The following LPCAT4 variants were observed in gnomAD, a reference collection of about 807,000 sequenced individuals.
LPCAT4 encodes lysophosphatidylcholine acyltransferase 4, also known as lysophospholipid acyltransferase LPCAT4.
In LPCAT4, 30 loss-of-function variants were observed where a neutral mutation model predicts 66.5. That is an observed-to-expected ratio of 0.45 (90% confidence interval 0.34 to 0.61). The LOEUF (loss-of-function observed/expected upper bound fraction) is 0.61. Ranked by LOEUF, LPCAT4 falls within the 20% of genes least tolerant of loss-of-function variation. The pLI is 0.01. For missense variants in LPCAT4, 557 were observed against 656.7 expected (o/e 0.85, Z 1.66); for synonymous variants, 253 against 262.1 (o/e 0.97, Z 0.34).
Position 34,362,631 on chromosome 15 carries a change from G to A in LPCAT4, c.826C>T (p.Pro276Ser). Residue 276 changes from proline (P) to serine (S), a missense_variant, in exon 9 of 14, where the codon CCT (proline) becomes TCT (serine). By Grantham distance (74) the Pro-to-Ser change is moderately conservative. Around this residue, in one of 4 missense-constraint regions of LPCAT4, gnomAD observed 392 missense variants for 473.9 expected, o/e 0.83. Transcript: ENST00000314891. Reference sequence around the variant, plus strand: ...AGGGTGGGGTCCCTGCTCTCCTCAGGGCTGGGGTGATACACAGGAAGGAAC... The same window carrying A: ...AGGGTGGGGTCCCTGCTCTCCTCAGAGCTGGGGTGATACACAGGAAGGAAC... ...VEFLPVYHPS[P>S]EESRDPTLYA... 1 of 1,591,114 alleles carries A rather than the reference G, an allele frequency of 6.3e-7. No individual in the cohort carries two copies.
chr15:34,364,637 A>G, intron 3 of LPCAT4: 1 of 209,224 alleles, frequency 4.8e-6, no homozygotes, highest in Non-Finnish European at 8.8e-6. Context: ...TATTTTTAGT[A>G]GAGACAGGGT....
chr15:34,359,544 T>C, intron 13 of LPCAT4, 45 bp downstream of exon 13: 2 of 1,593,188 alleles, frequency 1.3e-6, no homozygotes, highest in Non-Finnish European at 1.7e-6. Flanking sequence ...TGGATGCTGA[T>C]GGTGCCCCAA....
chr15:34,361,092 C>T (rs1269881298), intron 11 of LPCAT4: 3 of 793,686 alleles, frequency 3.8e-6, no homozygotes, highest in Middle Eastern at 5.1e-4. Flanking sequence ...AAGACCCTCA[C>T]CCAGCACCCC....
At chr15:34,361,662 GA>G in intron 10 of LPCAT4, 130 bp from the exon 11 acceptor site, 1 of 1,059,688 alleles carries the variant, frequency 9.4e-7, no homozygotes, top group Non-Finnish European at 1.4e-6. Context: ...AAGATGTACT[GA>G]CTCACAGTCC....
Position 34,365,599 on chromosome 15 carries a change from T to C in LPCAT4, c.217A>G (p.Ser73Gly). 1.9e-6 allele frequency: 3 copies of C among 1,614,136 alleles called. No homozygotes were observed. The highest frequency in any genetic ancestry group is 1.7e-6 in the Non-Finnish European group (2 of 1,180,028). The change falls in exon 2 of 14, where the codon AGT (serine) becomes GGT (glycine). Residue 73 changes from serine (S) to glycine (G), a missense_variant. Around this residue, in one of 4 missense-constraint regions of LPCAT4, gnomAD observed 65 missense variants for 83.5 expected, o/e 0.78. Coordinates refer to ENST00000314891, the MANE Select transcript of LPCAT4 (RefSeq NM_153613.3). The part of the protein sequence containing the change: ...PFAWLQVAGL[S>G]EEQLQEPITG... ...ATTGGCTCCTGAAGCTGCTCCTCAC[T>C]AAGACCGGCCACTTGAAGCCAGGCA...
chr15:34,364,411 C>CCTT, intron 3 of LPCAT4, 105 bp from the exon 4 acceptor site: 2 of 557,966 alleles, frequency 3.6e-6, no homozygotes, highest in East Asian at 3.1e-5. Context: ...TCTGTTATCT[C>CCTT]TTTTTTTTTT....
At chr15:34,362,888 C>T (rs776409513) in intron 7 of LPCAT4, 52 bp from the exon 8 acceptor site, 5 of 1,581,850 alleles carry the variant, frequency 3.2e-6, no homozygotes, top group African/African-American at 2.7e-5. Context: ...TGGGCTCCTT[C>T]CCTGGCTCCC....
chr15:34,364,735 C>T (rs557765543), intron 3 of LPCAT4: 38 of 401,382 alleles, frequency 9.5e-5, no homozygotes, highest in Middle Eastern at 6.7e-4. Context: ...ATTATAGGCG[C>T]GAGCCACCGT....
Position 34,363,319 on chromosome 15 carries a change from A to T in LPCAT4, c.746+103T>A. 1 of 1,255,492 alleles carries T rather than the reference A, an allele frequency of 8.0e-7. No homozygotes were observed. The highest frequency in any genetic ancestry group is 1.1e-6 in the Non-Finnish European group (1 of 882,374). 77.8% of individuals were successfully genotyped at this position (1,255,492 alleles called of 1,614,324 possible). A position where few individuals can be genotyped will look rare whatever the true frequency, so the allele number is the denominator to read the frequency against. The stretch of plus-strand genomic sequence containing the variant: ...CCTCTAGAGTTCTCTCAGTCCTCAG[A>T]TGAAGAAGGGCCATTCACCTTGTCG... On this transcript the variant is annotated intron_variant, in intron 7 of 13. Coordinates refer to ENST00000314891, the MANE Select transcript of LPCAT4 (RefSeq NM_153613.3). This position sits in a 1 kb window ranked among gnomAD's most constrained non-coding sequence, Gnocchi z 4.3.
At chr15:34,365,367 CT>C in intron 2 of LPCAT4, 139 bp from the exon 3 acceptor site, 2 of 1,171,358 alleles carry the variant, frequency 1.7e-6, no homozygotes, top group Non-Finnish European at 2.4e-6. Flanking sequence ...TCTCTGGCCA[CT>C]TTGGGACCTA....
In LPCAT4 at chr15:34,363,765, C is replaced by T. The variant is rs748956422; in HGVS notation, c.653-46G>A. 16 of 1,606,662 alleles carry T rather than the reference C, an allele frequency of 1.0e-5. No homozygotes were observed. The highest frequency in any genetic ancestry group is 3.3e-5 in the Admixed American group (2 of 59,980). On this transcript the variant is annotated intron_variant, in intron 5 of 13. Coordinates refer to ENST00000314891, the MANE Select transcript of LPCAT4 (RefSeq NM_153613.3). This position sits in a 1 kb window ranked among gnomAD's most constrained non-coding sequence, Gnocchi z 4.3. ...CACCCCCACAAGGCAGAGGTTAGTA[C>T]ACAGAAGTAGCTAGAGGGCATGAGG...
At position 34,360,174 on chromosome 15, in the gene LPCAT4, G is replaced by A. The variant is rs1890910013; in HGVS notation, c.1179C>T (p.Ala393=). Residue 393 remains alanine (A), a synonymous_variant, in exon 12 of 14, where the codon GCC becomes GCT. Transcript: ENST00000314891. ...TKGLVDFRDV[A]LALAALDGGR... Reference sequence around the variant, plus strand: ...CCCCATCCAGAGCTGCTAGTGCAAGGGCCACATCTCGGAAGTCCACCAAAC... The same window carrying A: ...CCCCATCCAGAGCTGCTAGTGCAAGAGCCACATCTCGGAAGTCCACCAAAC... The A allele has an allele frequency of 6.2e-7, 1 of 1,613,772 alleles. No individual in the cohort carries two copies. The highest frequency in any genetic ancestry group is 1.3e-5 in the African/African-American group (1 of 74,814).
At chr15:34,365,528 T>A in intron 2 of LPCAT4, 31 bp downstream of exon 2, 9 of 1,613,826 alleles carry the variant, frequency 5.6e-6, no homozygotes, top group Non-Finnish European at 7.6e-6. Context: ...GGAAGAGAAG[T>A]AGGGTCTCTG....
rs1204040394 is a variant in LPCAT4, at chr15:34,367,139, C to A, written c.-39G>T. The A allele has an allele frequency of 2.0e-6, 3 of 1,493,408 alleles. No individual in the cohort carries two copies. Among genetic ancestry groups the A allele is most frequent in the Non-Finnish European group, 2.7e-6 (3 of 1,118,688 alleles). 92.5% of individuals were successfully genotyped at this position (1,493,408 alleles called of 1,614,324 possible). On this transcript the variant is annotated 5_prime_UTR_variant, in exon 1 of 14. Transcript: ENST00000314891. Reference sequence around the variant, plus strand: ...GGGAGGGAGGGCACCCCGGCCCTGGCCCCGGCCACCACTCTGCAGAGCAGC... The same window carrying A: ...GGGAGGGAGGGCACCCCGGCCCTGGACCCGGCCACCACTCTGCAGAGCAGC...
Position 34,364,618 on chromosome 15 carries a change from C to CT in LPCAT4, c.479-313dup, listed in dbSNP as rs1462566310. ...TTTTTTTTTTTTTTACGCCCGGCTA[C>CT]TTTTTTTGTATTTTTAGTAGAGACA... On this transcript the variant is annotated intron_variant, in intron 3 of 13. Transcript: ENST00000314891. The CT allele has an allele frequency of 2.0e-5, 4 of 198,874 alleles. No homozygotes were observed. The South Asian group carries it at 2.9e-4, about 14-fold the overall frequency. 12.3% of individuals were successfully genotyped at this position (198,874 alleles called of 1,614,324 possible).
chr15:34,362,470 T>C, intron 9 of LPCAT4, 103 bp downstream of exon 9: 1 of 1,401,398 alleles, frequency 7.1e-7, no homozygotes, highest in South Asian at 1.3e-5. Context: ...CCCTTCCCAC[T>C]GCCTGCTCCT....
At position 34,362,175 on chromosome 15, in the gene LPCAT4, C is replaced by T. The variant is rs781056748; in HGVS notation, c.1010+21G>A. ...CTCTCTCTGTGACACTGCTCATACCCTCATTTCCAAGACCACTTACCCAGC... is the reference window on the plus strand; with the variant it reads ...CTCTCTCTGTGACACTGCTCATACCTTCATTTCCAAGACCACTTACCCAGC... On this transcript the variant is annotated intron_variant, in intron 10 of 13. Coordinates refer to ENST00000314891, the MANE Select transcript of LPCAT4 (RefSeq NM_153613.3). 5 of 1,612,724 alleles carry T rather than the reference C, an allele frequency of 3.1e-6. No homozygotes were observed. In the East Asian group the frequency reaches 6.7e-5, roughly 22 times the overall value.
intron 3 of LPCAT4, 122 bp downstream of exon 3, chr15:34,364,886 T>A: frequency 1.3e-6 from 1 of 751,724 alleles, no homozygotes; most frequent in Non-Finnish European, 2.2e-6. Context: ...TGTTAATTTA[T>A]ATTTCACTTG....
At position 34,362,327 on chromosome 15, in the gene LPCAT4, G is replaced by C. The variant is rs754461486; in HGVS notation, c.885-6C>G. On this transcript the variant is annotated splice_region_variant and splice_polypyrimidine_tract_variant and intron_variant, in intron 9 of 13. Transcript: ENST00000314891. ...TGGCTGGAATGCCCAGAGCCCTACA[G>C]GATGAAGAGGGATGGGATGGAGGGT... is the stretch of plus-strand genomic sequence containing the variant. 3.7e-6 allele frequency: 6 copies of C among 1,614,064 alleles called. No homozygotes were observed. In the South Asian group the frequency reaches 6.6e-5, roughly 18 times the overall value.
Sources: allele counts gnomAD v4.1 joint callset, GRCh38; gene constraint gnomAD v4.1.1; regional missense constraint gnomAD v4.1.1; non-coding constraint Gnocchi (gnomAD v3.1); transcripts MANE v1.5; gene names NCBI Gene and HGNC (gene_info 2026-07-23, HGNC 2026-07-21).